The following CD34 variants were observed in gnomAD, a reference collection of about 807,000 sequenced individuals.
CD34 encodes hematopoietic progenitor cell antigen CD34.
In CD34, 34 loss-of-function variants were observed where a neutral mutation model predicts 40.1. The ratio of observed to expected loss-of-function variants is 0.85; its 90% CI spans 0.65 to 1.13. The LOEUF is 1.13. Ranked by LOEUF, CD34 falls within the 50% of genes most tolerant of loss-of-function variation. The pLI is 0.00. For synonymous variants in CD34, 209 were observed against 190.0 expected (o/e 1.10, Z -0.82); for missense variants, 426 against 466.9 (o/e 0.91, Z 0.81).
At chr1:207,909,317 A>T (rs995402769) in intron 1 of CD34, among the ~76,000 whole-genome samples, 4 of 152,228 alleles carry the variant, frequency 2.6e-5, no homozygotes, top group African/African-American at 9.6e-5. Context: ...GGACCAGGTC[A>T]TCACAAGCTG....
chr1:207,907,318 A>C (rs1335343097), intron 1 of CD34, among the ~76,000 whole-genome samples: 1 of 152,030 alleles, frequency 6.6e-6, no homozygotes, highest in Admixed American at 6.6e-5. Flanking sequence ...TCCACCCTTT[A>C]TATGCTCTTC....
At chr1:207,895,522 A>G (rs1282049789) in intron 4 of CD34, among the ~76,000 whole-genome samples, 1 of 152,230 alleles carries the variant, frequency 6.6e-6, no homozygotes, top group Non-Finnish European at 1.5e-5. Context: ...TACTACCTCA[A>G]TCTTAGAGGA....
At chr1:207,900,155 A>C (rs768688162) in intron 1 of CD34, 152 bp from the exon 2 acceptor site, 110 of 597,810 alleles carry the variant, frequency 1.8e-4, no homozygotes, top group Non-Finnish European at 3.0e-4. Context: ...TGGACAGTGG[A>C]TTAATTTCCC....
intron 3 of CD34, among the ~76,000 whole-genome samples, chr1:207,898,561 C>T (rs538533029): frequency 3.3e-5 from 5 of 152,326 alleles, no homozygotes; most frequent in Non-Finnish European, 7.4e-5. Context: ...ACCACCAAAC[C>T]CTCTCATGTA....
rs774585979 is a variant in CD34 at position 207,910,986 on chromosome 1, C to T, written c.79+16G>A. Reference sequence around the variant, plus strand: ...GCGGCGAAGCCAAGCGGCCGCGGCGCGCGGGCGGTACTCACGCAGCAAACT... The same window carrying T: ...GCGGCGAAGCCAAGCGGCCGCGGCGTGCGGGCGGTACTCACGCAGCAAACT... On this transcript the variant is annotated intron_variant, in intron 1 of 7. Transcript: ENST00000310833. The T allele has an allele frequency of 7.7e-6, 12 of 1,567,686 alleles. No individual in the cohort carries two copies. The East Asian group carries it at 2.1e-4, about 27-fold the overall frequency.
In CD34 at chr1:207,882,207, G is replaced by C. The variant is rs1184510822; in HGVS notation, c.*5531C>G. On this transcript the variant is annotated 3_prime_UTR_variant, in exon 8 of 8. Coordinates refer to ENST00000310833, the MANE Select transcript of CD34 (RefSeq NM_001025109.2). Reference sequence around the variant, plus strand: ...ATTGGGAGGGACTTTTGGACTCAAGGAATGACATGGCACCAGGGTGGTATC... The same window carrying C: ...ATTGGGAGGGACTTTTGGACTCAAGCAATGACATGGCACCAGGGTGGTATC... The C allele has an allele frequency of 6.6e-6, 1 of 152,240 alleles. No individual in the cohort carries two copies. Among genetic ancestry groups the C allele is most frequent in the East Asian group, 1.9e-4 (1 of 5,204 alleles). The allele number at this position is 152,240 out of a possible 1,614,324, so 9.4% of individuals were successfully genotyped here. A position where few individuals can be genotyped will look rare whatever the true frequency, so the allele number is the denominator to read the frequency against.
At chr1:207,895,004 A>C (rs1164612603) in intron 4 of CD34, among the ~76,000 whole-genome samples, 1 of 152,196 alleles carries the variant, frequency 6.6e-6, no homozygotes, top group Non-Finnish European at 1.5e-5. Flanking sequence ...GGAGCATACC[A>C]ACATACATCA....
chr1:207,897,251 T>C (rs999542613), intron 4 of CD34, among the ~76,000 whole-genome samples: 3 of 152,066 alleles, frequency 2.0e-5, no homozygotes, highest in Non-Finnish European at 1.5e-5. Context: ...AAAAGTACTA[T>C]AGAGGATGGA....
Position 207,887,546 on chromosome 1 carries a change from C to T in CD34, c.*192G>A, listed in dbSNP as rs1378492480. 11 of 724,750 alleles carry T rather than the reference C, an allele frequency of 1.5e-5. No homozygotes were observed. Among genetic ancestry groups the T allele is most frequent in the Admixed American group, 3.0e-5 (1 of 33,626 alleles). 44.9% of individuals were successfully genotyped at this position (724,750 alleles called of 1,614,324 possible). On this transcript the variant is annotated 3_prime_UTR_variant, in exon 8 of 8. Coordinates refer to ENST00000310833, the MANE Select transcript of CD34 (RefSeq NM_001025109.2). ...AGACCAGAGTCTGGCTCCAGGGAGC[C>T]GAATGTGTAAAGGACAGGAGTTTAC... is the stretch of plus-strand genomic sequence containing the variant.
intron 7 of CD34, chr1:207,888,218 A>G: frequency 1.6e-6 from 2 of 1,263,248 alleles, no homozygotes; most frequent in Admixed American, 1.7e-5. Flanking sequence ...GGGTGGGATG[A>G]CCTCCCCAGG....
In CD34 at chr1:207,887,678, G is replaced by A; in HGVS notation, c.*60C>T. The A allele has an allele frequency of 3.1e-6, 5 of 1,604,524 alleles. No individual in the cohort carries two copies. In the South Asian group the frequency reaches 3.3e-5, roughly 11 times the overall value. ...ACCTCCAGCATGGGGGTAGCACGTG[G>A]TCAGATGCAGAGAGGGGTGCTCTCT... is the stretch of plus-strand genomic sequence containing the variant. On this transcript the variant is annotated 3_prime_UTR_variant, in exon 8 of 8. Coordinates refer to ENST00000310833, the MANE Select transcript of CD34 (RefSeq NM_001025109.2).
rs1361186568 is a variant in CD34, at chr1:207,909,186, A to G, written c.79+1816T>C. Among the ~76,000 whole-genome samples the G allele has an allele frequency of 2.6e-5, 4 of 152,298 alleles. No homozygotes were observed. The South Asian group carries it at 6.2e-4, about 24-fold the overall frequency. On this transcript the variant is annotated intron_variant, in intron 1 of 7. Transcript: ENST00000310833. ...CACCAAAAGCTGGGATATTCTCAGC[A>G]TATCAGTCCAAAGTTTTGCCAAGGT...
intron 1 of CD34, among the ~76,000 whole-genome samples, chr1:207,909,734 C>G (rs1168271425): frequency 6.6e-6 from 1 of 152,210 alleles, no homozygotes; most frequent in African/African-American, 2.4e-5. Flanking sequence ...AGGGCCTAGT[C>G]TAGCACCCAC....
At position 207,889,545 on chromosome 1, in the gene CD34, C is replaced by T. The variant is rs762735944; in HGVS notation, c.674G>A (p.Gly225Glu). The change falls in exon 5 of 8, where the codon GGG (glycine) becomes GAG (glutamate). Residue 225 changes from glycine (G) to glutamate (E), a missense_variant. Transcript: ENST00000310833. ...AAGGAGCAGGGAGCATACCTGGGCC[C>T]CAGCATCAGCATCAGCCTGCTCCTC... ...CGEEQADADA[G>E]AQVCSLLLAQ... 6 of 1,614,186 alleles carry T rather than the reference C, an allele frequency of 3.7e-6. No homozygotes were observed. In the South Asian group the frequency reaches 5.5e-5, roughly 15 times the overall value.
intron 4 of CD34, among the ~76,000 whole-genome samples, chr1:207,892,809 C>T (rs1033013522): frequency 2.8e-4 from 42 of 152,136 alleles, no homozygotes; most frequent in African/African-American, 9.6e-4. Context: ...ATTTACAACC[C>T]AGACTGCATG....
intron 4 of CD34, among the ~76,000 whole-genome samples, chr1:207,893,418 T>G (rs1454045867): frequency 6.6e-6 from 1 of 152,112 alleles, no homozygotes; most frequent in Non-Finnish European, 1.5e-5. Context: ...TATTTTGGTG[T>G]GAGTTTGACA....
At chr1:207,894,822 A>G (rs17754548) in intron 4 of CD34, among the ~76,000 whole-genome samples, 14,190 of 152,114 alleles carry the variant, frequency 0.093, 786 homozygotes, top group East Asian at 0.13. Context: ...AGCAAAAAAA[A>G]AAGAGTGATT....
chr1:207,889,445 C>A lies in CD34; in HGVS notation c.754+20G>T. The A allele has an allele frequency of 6.3e-7, 1 of 1,598,778 alleles. No homozygotes were observed. The highest frequency in any genetic ancestry group is 8.5e-7 in the Non-Finnish European group (1 of 1,170,826). ...CAGCCCTACTCCTTCCCTGTTCCCC[C>A]AGGCAGAGGTGCACCTTACCTGTTC... On this transcript the variant is annotated intron_variant, in intron 5 of 7. Coordinates refer to ENST00000310833, the MANE Select transcript of CD34 (RefSeq NM_001025109.2).
In CD34 at chr1:207,899,908, G is replaced by C; in HGVS notation, c.175C>G (p.Gln59Glu). The C allele has an allele frequency of 6.2e-7, 1 of 1,613,904 alleles. No homozygotes were observed. Among genetic ancestry groups the C allele is most frequent in the Non-Finnish European group, 8.5e-7 (1 of 1,179,842 alleles). Reference protein sequence around the residue: ...FSNVSTNVSYQETTTPSTLGS... With the variant: ...FSNVSTNVSYEETTTPSTLGS... ...AGGGTACTAGGTGTTGTAGTTTCTTGGTAGGATACATTTGTAGAAACATTT... is the reference window on the plus strand; with the variant it reads ...AGGGTACTAGGTGTTGTAGTTTCTTCGTAGGATACATTTGTAGAAACATTT... The change falls in exon 2 of 8, where the codon CAA becomes GAA. Residue 59 changes from glutamine (Q) to glutamate (E), a missense_variant. By Grantham distance (29) the Gln-to-Glu change is conservative. Coordinates refer to ENST00000310833, the MANE Select transcript of CD34 (RefSeq NM_001025109.2).
Sources: allele counts gnomAD v4.1 joint callset (sites outside exome capture counted in the v4.1 genomes callset), GRCh38; gene constraint gnomAD v4.1.1; transcripts MANE v1.5; gene names NCBI Gene and HGNC (gene_info 2026-07-23, HGNC 2026-07-21).